The following MTM1 variants were observed in gnomAD, a reference collection of about 807,000 sequenced individuals.
The protein encoded by MTM1 is myotubularin.
In MTM1, 9 loss-of-function variants were observed where a neutral mutation model predicts 52.1. The ratio of observed to expected loss-of-function variants is 0.17; its 90% CI spans 0.10 to 0.30. MTM1 has a LOEUF of 0.30. Among genes scored for constraint, MTM1 ranks in the 10% least tolerant of loss-of-function variants. The pLI, the probability that MTM1 is intolerant of heterozygous loss-of-function variation, is 1.00. For synonymous variants in MTM1, 136 were observed against 163.8 expected (o/e 0.83, Z 1.29); for missense variants, 277 against 470.7 (o/e 0.59, Z 3.81).
intron 4 of MTM1, among the ~76,000 whole-genome samples, chrX:150,608,645 G>A (rs1279457705): frequency 1.8e-5 from 2 of 111,720 alleles, no homozygotes; most frequent in Non-Finnish European, 3.8e-5. Flanking sequence ...TACATATTTT[G>A]TGTGGTCAGA....
intron 5 of MTM1, among the ~76,000 whole-genome samples, chrX:150,616,506 T>G (rs2039388378): frequency 8.9e-6 from 1 of 111,921 alleles, no homozygotes; most frequent in Non-Finnish European, 1.9e-5. Context: ...CTCCTATAAA[T>G]TTGGCTATGC....
At chrX:150,669,095 G>T (rs2040354017) in intron 14 of MTM1, among the ~76,000 whole-genome samples, 1 of 110,430 alleles carries the variant, frequency 9.1e-6, no homozygotes, top group Admixed American at 9.7e-5. Flanking sequence ...TGTTCTCAAT[G>T]TTCACCTCCC....
chrX:150,670,655 C>T (rs2040381501), intron 14 of MTM1, among the ~76,000 whole-genome samples: 2 of 112,170 alleles, frequency 1.8e-5, no homozygotes, highest in Admixed American at 9.4e-5. Flanking sequence ...TGCCAGGTAT[C>T]ACCAGCAGGA....
chrX:150,625,744 TTC>T (rs1163942317), intron 6 of MTM1, among the ~76,000 whole-genome samples: 2 of 112,756 alleles, frequency 1.8e-5, no homozygotes, highest in African/African-American at 6.4e-5. Flanking sequence ...ATCAAAATAT[TTC>T]TGTTATTCTG....
At chrX:150,668,916 TA>T (rs200166734) in intron 14 of MTM1, among the ~76,000 whole-genome samples, 4,086 of 109,280 alleles carry the variant, frequency 0.037, 97 homozygotes, top group Middle Eastern at 0.092. Flanking sequence ...TTCTTTCTTC[TA>T]AAAAAAAGGG....
intron 4 of MTM1, among the ~76,000 whole-genome samples, chrX:150,599,141 G>A (rs1356583072): frequency 1.8e-5 from 2 of 112,877 alleles, no homozygotes; most frequent in African/African-American, 6.4e-5. Flanking sequence ...ATAGTGATGT[G>A]AATTTCTGGG....
intron 10 of MTM1, among the ~76,000 whole-genome samples, 199 bp from the exon 11 acceptor site, chrX:150,657,619 TAAA>T (rs112119260): frequency 9.3e-6 from 1 of 107,758 alleles, no homozygotes; most frequent in African/African-American, 3.3e-5. Flanking sequence ...AAGTATAATT[TAAA>T]AAAAAAAGAA....
At chrX:150,590,143 A>G (rs2038858510) in intron 1 of MTM1, among the ~76,000 whole-genome samples, 1 of 112,005 alleles carries the variant, frequency 8.9e-6, no homozygotes. Flanking sequence ...GCACACCAGC[A>G]TGATGCTGTT....
rs1401864234 is a variant in MTM1 at position 150,663,440 on chromosome X, C to T, written c.1475C>T (p.Thr492Ile). The T allele has an allele frequency of 4.1e-6, 5 of 1,210,774 alleles. No homozygotes were observed. Among genetic ancestry groups the T allele is most frequent in the Non-Finnish European group, 5.6e-6 (5 of 894,798 alleles). ...CTCTCTGTCTCTCTGTAGAAGGTTA[C>T]AGAAAGGACTGTTTCTTTATGGTCA... is the stretch of plus-strand genomic sequence containing the variant. ...CESARERQKV[T>I]ERTVSLWSLI... Residue 492 changes from threonine to isoleucine, a missense_variant, in exon 14 of 15, where the codon ACA becomes ATA. By Grantham distance (89) the Thr-to-Ile change is moderately conservative (BLOSUM62 -1). This residue lies in a region of MTM1 where 59 missense variants were observed against 107.8 expected (regional missense o/e 0.55). Coordinates refer to ENST00000370396, the MANE Select transcript of MTM1 (RefSeq NM_000252.3).
intron 1 of MTM1, among the ~76,000 whole-genome samples, chrX:150,589,051 G>A (rs782114346): frequency 1.5e-4 from 17 of 111,829 alleles, no homozygotes; most frequent in Admixed American, 1.5e-3. Context: ...TAAAATTCTT[G>A]GGGCTTAGAG....
At chrX:150,639,095 A>G in intron 7 of MTM1, 69 bp downstream of exon 7, 1 of 873,884 alleles carries the variant, frequency 1.1e-6, no homozygotes, top group Non-Finnish European at 1.7e-6. Context: ...GTATGTCATC[A>G]GCCATGCTTT....
At chrX:150,597,874 G>T (rs1175094957) in intron 3 of MTM1, among the ~76,000 whole-genome samples, 1 of 111,126 alleles carries the variant, frequency 9.0e-6, no homozygotes, top group Non-Finnish European at 1.9e-5. Context: ...ATCACTTGAG[G>T]CCAGGAATTG....
chrX:150,646,206 G>T, intron 9 of MTM1, among the ~76,000 whole-genome samples: 1 of 111,972 alleles, frequency 8.9e-6, no homozygotes, highest in Non-Finnish European at 1.9e-5. Flanking sequence ...GCATCTGTAA[G>T]AAGCTATGGG....
At chrX:150,566,154 G>C (rs181859665), upstream of MTM1, among the ~76,000 whole-genome samples, 4 of 110,986 alleles carry the variant, frequency 3.6e-5, no homozygotes, top group East Asian at 1.1e-3. Flanking sequence ...TGTTTGTTTT[G>C]AGATGGAATC....
chrX:150,578,757 G>A (rs1419758990), intron 1 of MTM1, among the ~76,000 whole-genome samples: 1 of 110,249 alleles, frequency 9.1e-6, no homozygotes, highest in Non-Finnish European at 1.9e-5. Context: ...CCTTATACCA[G>A]TACTGCAGTG....
intron 1 of MTM1, among the ~76,000 whole-genome samples, chrX:150,583,897 GAT>G (rs551009399): frequency 0.46 from 17,031 of 37,314 alleles, 4,554 homozygotes; most frequent in African/African-American, 0.7. Flanking sequence ...ATATATATTT[GAT>G]ATATATATAT....
At chrX:150,600,844 C>T (rs2039055994) in intron 4 of MTM1, among the ~76,000 whole-genome samples, 1 of 111,741 alleles carries the variant, frequency 8.9e-6, no homozygotes, top group Non-Finnish European at 1.9e-5. Context: ...TTTTGACTCA[C>T]CCTGTGTAGC....
At chrX:150,663,402 C>T (rs782406992) in intron 13 of MTM1, 31 bp from the exon 14 acceptor site, 7 of 1,204,380 alleles carry the variant, frequency 5.8e-6, no homozygotes, top group Non-Finnish European at 7.9e-6. Flanking sequence ...TTTACTTAGG[C>T]TCTCCACTTT....
chrX:150,622,971 T>C (rs781794831), intron 6 of MTM1, among the ~76,000 whole-genome samples: 1 of 112,050 alleles, frequency 8.9e-6, no homozygotes, highest in Admixed American at 9.4e-5. Flanking sequence ...TTTGAAGTTA[T>C]GGGCTCCTTT....
Sources: gnomAD v4.1 joint callset for allele counts (sites outside exome capture counted in the v4.1 genomes callset) on GRCh38, gnomAD v4.1.1 for gene constraint, gnomAD v4.1.1 regional missense constraint, MANE v1.5 for transcripts, NCBI Gene and HGNC (gene_info 2026-07-23, HGNC 2026-07-21) for gene names.